ITGBL1: variants seen among roughly 807,000 people sequenced by gnomAD.
ITGBL1 encodes integrin subunit beta like 1.
In ITGBL1, 51 loss-of-function variants were observed where a neutral mutation model predicts 68.5. The observed-to-expected ratio is 0.74, with a 90% confidence interval of 0.59 to 0.94. ITGBL1 has a LOEUF of 0.94. Ranked by LOEUF, ITGBL1 falls within the 40% of genes least tolerant of loss-of-function variation. The pLI is 0.00. For synonymous variants in ITGBL1, 209 were observed against 227.3 expected, an observed-to-expected ratio of 0.92 and a Z score of 0.72; for missense variants, 649 against 647.4, an observed-to-expected ratio of 1.00 and a Z score of -0.03.
At chr13:101,637,580 T>C (rs3783218) in intron 7 of ITGBL1, among the ~76,000 whole-genome samples, 60,038 of 151,938 alleles carry the variant, frequency 0.4, 12,265 homozygotes, top group South Asian at 0.45. Context: ...CCTGATCTCC[T>C]GATTCACCCG....
chr13:101,567,623 G>T, intron 2 of ITGBL1, 76 bp from the exon 3 acceptor site: 1 of 1,391,018 alleles, frequency 7.2e-7, no homozygotes, highest in South Asian at 1.3e-5. Context: ...CAATGTCACT[G>T]TTAAGAGTAT....
At chr13:101,525,214 G>A (rs2049353833) in intron 2 of ITGBL1, among the ~76,000 whole-genome samples, 1 of 152,146 alleles carries the variant, frequency 6.6e-6, no homozygotes, top group South Asian at 2.1e-4. Context: ...ATAGAAAAAT[G>A]ACTGATATTA....
chr13:101,592,622 C>T (rs1448351571), intron 6 of ITGBL1, among the ~76,000 whole-genome samples: 3 of 151,986 alleles, frequency 2.0e-5, no homozygotes, highest in African/African-American at 7.2e-5. Context: ...ATCAAAAGTC[C>T]CATGACTGAC....
intron 2 of ITGBL1, among the ~76,000 whole-genome samples, chr13:101,537,466 G>C (rs1036894827): frequency 9.2e-5 from 14 of 152,080 alleles, no homozygotes; most frequent in African/African-American, 3.4e-4. Flanking sequence ...ATGATATGTG[G>C]CAATTTTGGG....
At chr13:101,636,133 T>C (rs2032163436) in intron 7 of ITGBL1, among the ~76,000 whole-genome samples, 1 of 152,152 alleles carries the variant, frequency 6.6e-6, no homozygotes, top group Non-Finnish European at 1.5e-5. Flanking sequence ...GTTTTCAGAA[T>C]ATGTTCCTCT....
rs544394588 is a variant in ITGBL1, at chr13:101,598,580, C to T, written c.1015+281C>T. Among the ~76,000 whole-genome samples, 46 of 152,188 alleles carry T rather than the reference C, an allele frequency of 3.0e-4. 1 individual carries two copies. On this transcript the variant is annotated intron_variant, in intron 7 of 10. Transcript: ENST00000376180. ...AGGTATATCTCCTAATGCTATCCCT[C>T]CCCGCTGCCCCCACCACACAACAGT... is the stretch of plus-strand genomic sequence containing the variant.
At chr13:101,547,957 A>T (rs1021170638) in intron 2 of ITGBL1, among the ~76,000 whole-genome samples, 10 of 151,584 alleles carry the variant, frequency 6.6e-5, no homozygotes, top group African/African-American at 2.4e-4. Context: ...ATACACATAC[A>T]CACACACACA....
intron 7 of ITGBL1, among the ~76,000 whole-genome samples, chr13:101,656,535 G>A (rs2139466388): frequency 6.6e-6 from 1 of 152,206 alleles, no homozygotes; most frequent in South Asian, 2.1e-4. Context: ...GGTTTGTAGG[G>A]CATGACTTTC....
intron 2 of ITGBL1, among the ~76,000 whole-genome samples, chr13:101,514,456 T>A (rs1165594973): frequency 6.9e-6 from 1 of 145,930 alleles, no homozygotes; most frequent in East Asian, 1.9e-4. Flanking sequence ...ATTATTATTA[T>A]TTTTTTTGGT....
intron 7 of ITGBL1, among the ~76,000 whole-genome samples, chr13:101,633,775 C>A (rs1379232386): frequency 6.6e-6 from 1 of 152,118 alleles, no homozygotes; most frequent in Admixed American, 6.6e-5. Flanking sequence ...GTGGCAAAAT[C>A]TAGAAAAAAT....
chr13:101,604,332 A>G (rs2030562483), intron 7 of ITGBL1, among the ~76,000 whole-genome samples: 1 of 151,952 alleles, frequency 6.6e-6, no homozygotes, highest in Admixed American at 6.6e-5. Context: ...TTATTTAGCT[A>G]CCATTTTTTA....
chr13:101,453,952 G>T lies in ITGBL1; in HGVS notation c.168G>T (p.Gln56His). The change falls in exon 2 of 11, where the codon CAG (glutamine) becomes CAT (histidine). Residue 56 changes from glutamine to histidine, a missense_variant. Gln to His is a conservative substitution (Grantham distance 24, BLOSUM62 0). Transcript: ENST00000376180. Reference protein sequence around the residue: ...ESERRCRAPGQPPGAALCHGR... With the variant: ...ESERRCRAPGHPPGAALCHGR... Reference sequence around the variant, plus strand: ...AGCGACGCTGCCGCGCACCTGGGCAGCCCCCGGGGGCCGCGCTGTGCCACG... The same window carrying T: ...AGCGACGCTGCCGCGCACCTGGGCATCCCCCGGGGGCCGCGCTGTGCCACG... 6.7e-7 allele frequency: 1 copy of T among 1,490,008 alleles called. No homozygotes were observed. The highest frequency in any genetic ancestry group is 9.0e-7 in the Non-Finnish European group (1 of 1,114,560). 92.3% of individuals were successfully genotyped at this position (1,490,008 alleles called of 1,614,324 possible).
At position 101,695,751 on chromosome 13, in the gene ITGBL1, ACTCTGTTAAACTCCTAG is replaced by A. The variant is rs2033987285; in HGVS notation, c.1132+3056_1132+3072del. On this transcript the variant is annotated intron_variant, in intron 8 of 10. Transcript: ENST00000376180. Reference sequence around the variant, plus strand: ...TCACCCTGCTGCAAGAGACTCCAGCACTCTGTTAAACTCCTAGCTCTGGTTCCCTGGCAACAGATGAA... The same window carrying A: ...TCACCCTGCTGCAAGAGACTCCAGCACTCTGGTTCCCTGGCAACAGATGAA... 2.0e-5 allele frequency among the ~76,000 whole-genome samples: 3 copies of A among 152,170 alleles called. No homozygotes were observed. In the South Asian group the frequency reaches 6.2e-4, roughly 32 times the overall value.
chr13:101,607,909 C>G (rs191512686), intron 7 of ITGBL1, among the ~76,000 whole-genome samples: 2 of 152,056 alleles, frequency 1.3e-5, no homozygotes, highest in Non-Finnish European at 2.9e-5. Context: ...CTTTGATCAT[C>G]GTTTGTCCTT....
At chr13:101,556,357 C>T (rs570057168) in intron 2 of ITGBL1, among the ~76,000 whole-genome samples, 2 of 152,228 alleles carry the variant, frequency 1.3e-5, no homozygotes, top group Non-Finnish European at 2.9e-5. Context: ...AGAAAAGAAG[C>T]TGGGCACGGT....
intron 2 of ITGBL1, among the ~76,000 whole-genome samples, chr13:101,555,303 C>T (rs2049986394): frequency 6.6e-6 from 1 of 151,972 alleles, no homozygotes; most frequent in African/African-American, 2.4e-5. Flanking sequence ...ATATGTTGTG[C>T]ACATAAAATG....
In ITGBL1 at chr13:101,655,732, A is replaced by G. The variant is rs141503846; in HGVS notation, c.1016-36853A>G. Reference sequence around the variant, plus strand: ...TCACAACTCTGATGTGCTGTGTTGTAGTACCTGAGCTGATCGTATGGAGGC... The same window carrying G: ...TCACAACTCTGATGTGCTGTGTTGTGGTACCTGAGCTGATCGTATGGAGGC... On this transcript the variant is annotated intron_variant, in intron 7 of 10. Transcript: ENST00000376180. 2.1e-3 allele frequency among the ~76,000 whole-genome samples: 327 copies of G among 152,358 alleles called. 1 individual carries two copies. The highest frequency in any genetic ancestry group is 0.01 in the Middle Eastern group (3 of 294).
chr13:101,678,596 T>A (rs111780288), intron 7 of ITGBL1, among the ~76,000 whole-genome samples: 1 of 150,768 alleles, frequency 6.6e-6, no homozygotes. Context: ...GCCTCCTGGG[T>A]TCATGCAGTT....
chr13:101,693,197 G>A (rs2033922621), intron 8 of ITGBL1, among the ~76,000 whole-genome samples: 1 of 152,162 alleles, frequency 6.6e-6, no homozygotes. Flanking sequence ...ATAGAAGGTA[G>A]TGAGCAGAGG....
Sources: allele counts gnomAD v4.1 joint callset (sites outside exome capture counted in the v4.1 genomes callset), GRCh38; gene constraint gnomAD v4.1.1; transcripts MANE v1.5; gene names NCBI Gene and HGNC (gene_info 2026-07-23, HGNC 2026-07-21).